Variants in HPS1 observed in about 807,000 individuals in gnomAD.
The protein encoded by HPS1 is BLOC-3 complex member HPS1.
In HPS1, 59 loss-of-function variants were observed where a neutral mutation model predicts 90.6. The ratio of observed to expected loss-of-function variants is 0.65; its 90% CI spans 0.53 to 0.81. The LOEUF is 0.81. Among genes scored for constraint, HPS1 ranks in the 30% least tolerant of loss-of-function variants. The probability of loss-of-function intolerance (pLI) is 0.00; values close to 1 mark genes in which losing one functional copy is unlikely to be tolerated. For missense variants in HPS1, 849 were observed against 896.7 expected (o/e 0.95, Z 0.68); for synonymous variants, 388 against 384.4 (o/e 1.01, Z -0.11).
rs182405532 is a variant in HPS1, at chr10:98,433,000, C to T, written c.507+983G>A. On this transcript the variant is annotated intron_variant, in intron 6 of 19. Transcript: ENST00000361490. ...CTGTAATCCCAGCACTTTGGGAGGC[C>T]GAGTGGGCAGATCATGAGGTCAGGA... 6.0e-3 allele frequency among the ~76,000 whole-genome samples: 917 copies of T among 152,070 alleles called. 8 individuals carry two copies. Among genetic ancestry groups the T allele is most frequent in the African/African-American group, 0.021 (870 of 41,444 alleles).
At position 98,417,651 on chromosome 10, in the gene HPS1, C is replaced by T. The variant is rs749975691; in HGVS notation, c.2016G>A (p.Leu672=). The T allele has an allele frequency of 6.2e-7, 1 of 1,613,854 alleles. No individual in the cohort carries two copies. Among genetic ancestry groups the T allele is most frequent in the Admixed American group, 1.7e-5 (1 of 60,010 alleles). ...CCAGCAGGTCAGTGGGGATGACAGA[C>T]AGGTGCAGGGCCAGCAGCTCGTAGC... is the stretch of plus-strand genomic sequence containing the variant. ...VRCYELLALH[L]SVIPTDLLVQ... is the part of the protein sequence containing the mutation. The change falls in exon 20 of 20, where the codon CTG becomes CTA. Residue 672 remains leucine, a synonymous_variant. Coordinates refer to ENST00000361490, the MANE Select transcript of HPS1 (RefSeq NM_000195.5). This position sits in a 1 kb window ranked among gnomAD's most constrained non-coding sequence, Gnocchi z 4.2.
chr10:98,443,326 A>G lies in HPS1; in HGVS notation c.1-86T>C. The G allele has an allele frequency of 3.1e-6, 3 of 972,048 alleles. No individual in the cohort carries two copies. In the South Asian group the frequency reaches 3.8e-5, roughly 12 times the overall value. 60.2% of individuals were successfully genotyped at this position (972,048 alleles called of 1,614,324 possible). A position where few individuals can be genotyped will look rare whatever the true frequency, so the allele number is the denominator to read the frequency against. ...GAGTAACGAAGAGGACCCCAACCTC[A>G]GCAAACATTCAGTGAGCCCCTTCTG... On this transcript the variant is annotated intron_variant, in intron 2 of 19. Transcript: ENST00000361490.
intron 18 of HPS1, among the ~76,000 whole-genome samples, chr10:98,419,121 G>C (rs1258241420): frequency 6.6e-6 from 1 of 151,936 alleles, no homozygotes; most frequent in Non-Finnish European, 1.5e-5. Flanking sequence ...TTACAGGGCT[G>C]TGAGGGGGTA....
At position 98,420,060 on chromosome 10, in the gene HPS1, C is replaced by A; in HGVS notation, c.1842G>T (p.Trp614Cys). ...EGDFYCSYFL[W>C]FENDMGYKLQ... is the part of the protein sequence containing the mutation. ...CCTCACCTACCATGTCATTCTCGAA[C>A]CACAGGAAGTAGGAGCAGTAGAAAT... Residue 614 changes from tryptophan to cysteine, a missense_variant, in exon 18 of 20, where the codon TGG (tryptophan) becomes TGT (cysteine). Physicochemically the swap from Trp to Cys is radical, Grantham distance 215. Coordinates refer to ENST00000361490, the MANE Select transcript of HPS1 (RefSeq NM_000195.5). 1 of 1,612,904 alleles carries A rather than the reference C, an allele frequency of 6.2e-7. No individual in the cohort carries two copies. The highest frequency in any genetic ancestry group is 2.2e-5 in the East Asian group (1 of 44,870).
At chr10:98,420,354 A>C in intron 17 of HPS1, 196 bp from the exon 18 acceptor site, 1 of 599,210 alleles carries the variant, frequency 1.7e-6, no homozygotes, top group Non-Finnish European at 3.0e-6. Context: ...ACTACCCTCC[A>C]GTTAGCGTGG....
intron 17 of HPS1, 78 bp downstream of exon 17, chr10:98,422,291 G>A (rs1844980259): frequency 3.3e-6 from 5 of 1,519,464 alleles, no homozygotes; most frequent in Non-Finnish European, 4.5e-6. Context: ...CTAGCCCCAG[G>A]CATGTGGATC....
chr10:98,433,850 C>T, intron 6 of HPS1, 133 bp downstream of exon 6: 1 of 1,317,048 alleles, frequency 7.6e-7, no homozygotes. Context: ...GAAAGAACAA[C>T]TCTCTCTGAA....
At position 98,417,870 on chromosome 10, in the gene HPS1, C is replaced by T; in HGVS notation, c.1941-144G>A. ...CTGCATGTGGGCCTTGACAACCGCT[C>T]CGGTTCCTCACTGACCTAACAGTGG... On this transcript the variant is annotated intron_variant, in intron 19 of 19. Transcript: ENST00000361490. This position sits in a 1 kb window ranked among gnomAD's most constrained non-coding sequence, Gnocchi z 4.2. 1.3e-6 allele frequency: 1 copy of T among 766,290 alleles called. No individual in the cohort carries two copies. Among genetic ancestry groups the T allele is most frequent in the South Asian group, 1.7e-5 (1 of 59,588 alleles). 47.5% of individuals were successfully genotyped at this position (766,290 alleles called of 1,614,324 possible).
chr10:98,429,624 G>A lies in HPS1; in HGVS notation c.886C>T (p.Leu296Phe). 1 of 1,614,218 alleles carries A rather than the reference G, an allele frequency of 6.2e-7. No individual in the cohort carries two copies. ...SAETETDSFS[L>F]PEEYFTPAPS... ...GCTGGTGTGAAGTACTCCTCAGGGA[G>A]GGAGAAGCTGTCTGTCTCCTGGAAT... Residue 296 changes from leucine (L) to phenylalanine (F), a missense_variant, in exon 10 of 20, where the codon CTC becomes TTC. Transcript: ENST00000361490.
intron 6 of HPS1, among the ~76,000 whole-genome samples, chr10:98,433,368 A>G (rs997304691): frequency 6.0e-4 from 92 of 152,336 alleles, no homozygotes; most frequent in African/African-American, 2.1e-3. Flanking sequence ...CTGGAGTATG[A>G]AAACCACTGC....
chr10:98,427,416 C>T, intron 10 of HPS1, 152 bp from the exon 11 acceptor site: 1 of 666,100 alleles, frequency 1.5e-6, no homozygotes, highest in Non-Finnish European at 2.7e-6. Context: ...TGGGGCAACA[C>T]CCCTTCATCC....
At chr10:98,429,108 C>T (rs929969534) in intron 10 of HPS1, 16 of 712,102 alleles carry the variant, frequency 2.2e-5, no homozygotes, top group Non-Finnish European at 3.6e-6. Context: ...TCCCAAAGTG[C>T]TGGGATTACA....
At chr10:98,444,046 A>ACAAC (rs1938981227) in intron 2 of HPS1, among the ~76,000 whole-genome samples, 1 of 150,676 alleles carries the variant, frequency 6.6e-6, no homozygotes, top group Non-Finnish European at 1.5e-5. Context: ...GAAAAAACAA[A>ACAAC]CAAACAAACA....
chr10:98,418,289 T>A, intron 18 of HPS1, 32 bp from the exon 19 acceptor site: 1 of 1,361,294 alleles, frequency 7.3e-7, no homozygotes, highest in South Asian at 1.2e-5. Flanking sequence ...GCAGTGGGTG[T>A]GGGGGTAGTG....
intron 3 of HPS1, among the ~76,000 whole-genome samples, chr10:98,440,541 A>C (rs908794326): frequency 4.6e-5 from 7 of 152,194 alleles, no homozygotes; most frequent in Non-Finnish European, 7.4e-5. Flanking sequence ...ACAGGCAGTA[A>C]AACTGTAAAT....
Position 98,423,874 on chromosome 10 carries a change from A to G in HPS1, c.1411T>C (p.Cys471Arg), listed in dbSNP as rs906830873. Residue 471 changes from cysteine to arginine, a missense_variant, in exon 15 of 20, where the codon TGT becomes CGT. Cys to Arg is a radical substitution (Grantham distance 180, BLOSUM62 -3). Coordinates refer to ENST00000361490, the MANE Select transcript of HPS1 (RefSeq NM_000195.5). ...PGSSWELLQA[C>R]GKLKRQLCAI... is the part of the protein sequence containing the mutation. Reference sequence around the variant, plus strand: ...CAGAGCTGCCGCTTCAGCTTCCCACATGCCTGGAGCAGCCTGAGCACGAGA... The same window carrying G: ...CAGAGCTGCCGCTTCAGCTTCCCACGTGCCTGGAGCAGCCTGAGCACGAGA... The G allele has an allele frequency of 1.9e-6, 3 of 1,613,782 alleles. No homozygotes were observed. Among genetic ancestry groups the G allele is most frequent in the Non-Finnish European group, 2.5e-6 (3 of 1,179,992 alleles).
rs759539605 is a variant in HPS1 at position 98,443,212 on chromosome 10, C to A, written c.29G>T (p.Gly10Val). Residue 10 changes from glycine to valine, a missense_variant, in exon 3 of 20, where the codon GGC becomes GTC. Physicochemically the swap from Gly to Val is moderately radical, Grantham distance 109 (BLOSUM62 -3). Coordinates refer to ENST00000361490, the MANE Select transcript of HPS1 (RefSeq NM_000195.5). ...TGTCCAGTAGAAGAGGACCTCTGCG[C>A]CCTCAGTGGCCACCAAGACGCACTT... MKCVLVATE[G>V]AEVLFYWTDQ... 2.5e-6 allele frequency: 4 copies of A among 1,613,932 alleles called. No homozygotes were observed. The highest frequency in any genetic ancestry group is 3.4e-6 in the Non-Finnish European group (4 of 1,179,962).
Position 98,416,914 on chromosome 10 carries a change from G to A in HPS1, c.*650C>T, listed in dbSNP as rs1194176785. 2 of 152,496 alleles carry A rather than the reference G, an allele frequency of 1.3e-5. No homozygotes were observed. Among genetic ancestry groups the A allele is most frequent in the African/African-American group, 2.4e-5 (1 of 41,474 alleles). 9.4% of individuals were successfully genotyped at this position (152,496 alleles called of 1,614,324 possible). A position where few individuals can be genotyped will look rare whatever the true frequency, so the allele number is the denominator to read the frequency against. ...ATCTCTGGGCCAGGGCCAGGGGCTTGAGAACCCCAGCCCTAGGGCAGACGC... is the reference window on the plus strand; with the variant it reads ...ATCTCTGGGCCAGGGCCAGGGGCTTAAGAACCCCAGCCCTAGGGCAGACGC... On this transcript the variant is annotated 3_prime_UTR_variant, in exon 20 of 20. Transcript: ENST00000361490.
downstream of HPS1, among the ~76,000 whole-genome samples, chr10:98,414,539 A>T (rs1010964278): frequency 6.6e-6 from 1 of 152,130 alleles, no homozygotes; most frequent in Non-Finnish European, 1.5e-5. Flanking sequence ...AAATGACTGC[A>T]GTTTCTTGTG....
Sources: gnomAD v4.1 joint callset for allele counts (sites outside exome capture counted in the v4.1 genomes callset) on GRCh38, gnomAD v4.1.1 for gene constraint, Gnocchi (gnomAD v3.1) non-coding constraint, MANE v1.5 for transcripts, NCBI Gene and HGNC (gene_info 2026-07-23, HGNC 2026-07-21) for gene names.